TCF25: variants seen among roughly 807,000 people sequenced by gnomAD.
TCF25 encodes the protein ribosome quality control complex subunit TCF25.
A neutral mutation model predicts 83.1 loss-of-function variants in TCF25; 41 were observed. That is an observed-to-expected ratio of 0.49 (90% CI 0.38 to 0.64). TCF25 has a LOEUF of 0.64. TCF25 is among the 30% of genes least tolerant of loss of function. TCF25 has a pLI of 0.00. For missense variants in TCF25, 979 were observed against 914.5 expected (o/e 1.07, Z -0.91); for synonymous variants, 458 against 365.0 (o/e 1.25, Z -2.90).
intron 8 of TCF25, among the ~76,000 whole-genome samples, chr16:89,895,549 C>T (rs11641790): frequency 0.17 from 26,293 of 152,204 alleles, 3,084 homozygotes; most frequent in African/African-American, 0.32. Flanking sequence ...TTCATCCTCA[C>T]TGTAGCGTCG....
chr16:89,889,357 T>C, intron 5 of TCF25: 1 of 287,448 alleles, frequency 3.5e-6, no homozygotes, highest in Non-Finnish European at 6.7e-6. Context: ...TTTTATTTTT[T>C]ATAGAAACAA....
chr16:89,900,251 TCG>T (rs2044208296), intron 11 of TCF25, among the ~76,000 whole-genome samples: 1 of 140,774 alleles, frequency 7.1e-6, no homozygotes, highest in Non-Finnish European at 1.6e-5. Context: ...TCTCGGAAAC[TCG>T]CGCGGCAGTG....
chr16:89,896,084 G>A lies in TCF25; in HGVS notation c.1022+1G>A. ...TGGATTACCGCAGACCCGAGAACAG[G>A]TGAGTGCAGCTGCCCTGGAGGTGAC... On this transcript the variant is annotated splice_donor_variant, in intron 9 of 17. Transcript: ENST00000263346. LOFTEE classifies it high-confidence loss of function. 6.2e-7 allele frequency: 1 copy of A among 1,613,304 alleles called. No homozygotes were observed. The highest frequency in any genetic ancestry group is 8.5e-7 in the Non-Finnish European group (1 of 1,179,870).
At chr16:89,906,617 C>T (rs1398824067) in intron 15 of TCF25, among the ~76,000 whole-genome samples, 3 of 152,284 alleles carry the variant, frequency 2.0e-5, no homozygotes, top group South Asian at 2.1e-4. Context: ...GCTCTGACGC[C>T]TCCTGTGCTG....
chr16:89,873,635 C>CCCT lies in TCF25; in HGVS notation c.-31_-29dup. 3 of 1,502,428 alleles carry CCCT rather than the reference C, an allele frequency of 2.0e-6. No individual in the cohort carries two copies. The highest frequency in any genetic ancestry group is 2.7e-6 in the Non-Finnish European group (3 of 1,129,766). The allele number at this position is 1,502,428 out of a possible 1,614,324, so 93.1% of individuals were successfully genotyped here. On this transcript the variant is annotated 5_prime_UTR_variant, in exon 1 of 18. Transcript: ENST00000263346. ...AGCCGAGTTTTCTGCGCTTCCTTCT[C>CCCT]CCTCTCTCCAGACGTCGTGGTCGTT...
At position 89,910,587 on chromosome 16, in the gene TCF25, T is replaced by A. The variant is rs775809578; in HGVS notation, c.1800-4T>A. 6.2e-6 allele frequency: 10 copies of A among 1,613,670 alleles called. No individual in the cohort carries two copies. In the South Asian group the frequency reaches 1.1e-4, roughly 18 times the overall value. On this transcript the variant is annotated splice_region_variant and splice_polypyrimidine_tract_variant and intron_variant, in intron 16 of 17. Transcript: ENST00000263346. ...GTTTCTGACTTTTCTTGACTTTCTT[T>A]CAGGCTAAGTCCTATCAGCCATGGA...
chr16:89,904,948 G>A lies in TCF25; in HGVS notation c.1480G>A (p.Ala494Thr). ...CTTGCTCTCCCCCAGCCAGCCCCCT[G>A]CCCTGAGCCAGCTGGTGAACCTGTA... ...GPNAEISQPP[A>T]LSQLVNLYLG... The change falls in exon 14 of 18, where the codon GCC (alanine) becomes ACC (threonine). Residue 494 changes from alanine to threonine, a missense_variant. Transcript: ENST00000263346. 3 of 1,607,066 alleles carry A rather than the reference G, an allele frequency of 1.9e-6. No homozygotes were observed. The highest frequency in any genetic ancestry group is 3.3e-4 in the Middle Eastern group (2 of 6,056).
intron 5 of TCF25, chr16:89,889,161 TC>T (rs1298092003): frequency 2.7e-6 from 1 of 372,264 alleles, no homozygotes; most frequent in Non-Finnish European, 5.2e-6. Flanking sequence ...CTCTGGACTC[TC>T]CATCGAAGTG....
At chr16:89,902,795 G>A (rs1197230339) in intron 12 of TCF25, among the ~76,000 whole-genome samples, 1 of 152,142 alleles carries the variant, frequency 6.6e-6, no homozygotes, top group Non-Finnish European at 1.5e-5. Context: ...GGTGAGGGGT[G>A]AGGGTTATTT....
At chr16:89,901,125 C>CG in intron 12 of TCF25, 2 of 228,078 alleles carry the variant, frequency 8.8e-6, no homozygotes, top group South Asian at 1.2e-4. Flanking sequence ...AGGGGAAGGT[C>CG]TCGGCAGCGC....
chr16:89,874,392 G>A (rs2042005337), intron 1 of TCF25, among the ~76,000 whole-genome samples: 2 of 152,198 alleles, frequency 1.3e-5, no homozygotes, highest in Admixed American at 1.3e-4. Context: ...CCACGGCGTA[G>A]GGGCAGGAGT....
At position 89,895,292 on chromosome 16, in the gene TCF25, G is replaced by A. The variant is rs148020214; in HGVS notation, c.928+155G>A. Among the ~76,000 whole-genome samples, 101 of 152,272 alleles carry A rather than the reference G, an allele frequency of 6.6e-4. No individual in the cohort carries two copies. In the Middle Eastern group the frequency reaches 0.014, roughly 21 times the overall value. Reference sequence around the variant, plus strand: ...GTAGCACAAAACTTACCCATTTAAAGTTTTTGTTTGTTGGTGTTTAATATA... The same window carrying A: ...GTAGCACAAAACTTACCCATTTAAAATTTTTGTTTGTTGGTGTTTAATATA... On this transcript the variant is annotated intron_variant, in intron 8 of 17. Coordinates refer to ENST00000263346, the MANE Select transcript of TCF25 (RefSeq NM_014972.3).
chr16:89,911,327 CTGA>C lies in TCF25; in HGVS notation c.*90_*92del. ...CGGCCAGTTGCCTGAAGTAGGGAAG[CTGA>C]GTGTGTCGCTCCCTGGTCCACTGTT... is the stretch of plus-strand genomic sequence containing the variant. On this transcript the variant is annotated 3_prime_UTR_variant, in exon 18 of 18. Transcript: ENST00000263346. 6.5e-7 allele frequency: 1 copy of C among 1,532,830 alleles called. No individual in the cohort carries two copies. The highest frequency in any genetic ancestry group is 8.9e-7 in the Non-Finnish European group (1 of 1,121,532). 95.0% of individuals were successfully genotyped at this position (1,532,830 alleles called of 1,614,324 possible).
intron 16 of TCF25, 83 bp from the exon 17 acceptor site, chr16:89,910,508 C>A: frequency 6.9e-7 from 1 of 1,451,422 alleles, no homozygotes; most frequent in Non-Finnish European, 9.6e-7. Context: ...AGGGAGGCAG[C>A]TGGCAGGCAG....
rs1469505239 is a variant in TCF25, at chr16:89,904,812, T to TC, written c.1470-124dup. ...CCCTCAGGCCAGCAGCCCAGGGGCC[T>TC]CCTTTCACTCCAGGCCACAGGGCAC... On this transcript the variant is annotated intron_variant, in intron 13 of 17. Coordinates refer to ENST00000263346, the MANE Select transcript of TCF25 (RefSeq NM_014972.3). 2.5e-6 allele frequency: 3 copies of TC among 1,204,916 alleles called. No homozygotes were observed. The Admixed American group carries it at 5.9e-5, about 24-fold the overall frequency. The allele number at this position is 1,204,916 out of a possible 1,614,324, so 74.6% of individuals were successfully genotyped here. A position where few individuals can be genotyped will look rare whatever the true frequency, so the allele number is the denominator to read the frequency against.
chr16:89,895,679 C>G (rs2043795921), intron 8 of TCF25, among the ~76,000 whole-genome samples: 1 of 152,258 alleles, frequency 6.6e-6, no homozygotes, highest in African/African-American at 2.4e-5. Context: ...GTGCTTACGT[C>G]AGCATGCACA....
chr16:89,905,665 G>A (rs1221740982), intron 14 of TCF25, among the ~76,000 whole-genome samples: 1 of 152,234 alleles, frequency 6.6e-6, no homozygotes. Flanking sequence ...TGTGTGCCGC[G>A]GACATGAGGT....
chr16:89,897,738 A>G (rs932537220), intron 9 of TCF25, among the ~76,000 whole-genome samples: 5 of 152,196 alleles, frequency 3.3e-5, no homozygotes, highest in Admixed American at 1.3e-4. Flanking sequence ...CACTGTTGAG[A>G]TTGGAGGATA....
At chr16:89,907,878 TTCCCACC>T (rs2045053672) in intron 16 of TCF25, among the ~76,000 whole-genome samples, 1 of 18,544 alleles carries the variant, frequency 5.4e-5, no homozygotes, top group Admixed American at 5.9e-4. Context: ...CAGCTCCCAG[TTCCCACC>T]TCCCAGCTCC....
Sources: gnomAD v4.1 joint callset for allele counts (sites outside exome capture counted in the v4.1 genomes callset) on GRCh38, gnomAD v4.1.1 for gene constraint, MANE v1.5 for transcripts, NCBI Gene and HGNC (gene_info 2026-07-23, HGNC 2026-07-21) for gene names.